The following GRID2 variants were observed in gnomAD, a reference collection of about 807,000 sequenced individuals.
GRID2 encodes glutamate receptor ionotropic, delta-2.
GRID2 carries 33 observed loss-of-function variants against 114.8 expected under a neutral mutation model. The ratio of observed to expected loss-of-function variants is 0.29; its 90% CI spans 0.22 to 0.38. GRID2 has a LOEUF of 0.38. Among genes scored for constraint, GRID2 ranks in the 10% least tolerant of loss-of-function variants. GRID2 has a pLI of 1.00. For missense variants in GRID2, 1,184 were observed against 1,257.7 expected (o/e 0.94, Z 0.89); for synonymous variants, 505 against 449.9 (o/e 1.12, Z -1.55).
chr4:92,746,671 G>A (rs947847326), intron 2 of GRID2, among the ~76,000 whole-genome samples: 1 of 152,080 alleles, frequency 6.6e-6, no homozygotes, highest in Non-Finnish European at 1.5e-5. Flanking sequence ...TCACTGGTAT[G>A]CATGCTGGGA....
At chr4:93,288,266 G>A (rs1579554838) in intron 8 of GRID2, among the ~76,000 whole-genome samples, 1 of 152,068 alleles carries the variant, frequency 6.6e-6, no homozygotes, top group African/African-American at 2.4e-5. Context: ...TGCAGCAGTT[G>A]GATTGATAGA....
In GRID2 at chr4:93,180,997, T is replaced by C. The variant is rs569797761; in HGVS notation, c.736-26407T>C. ...AATCATGAATATTCTTAATGGCATG[T>C]AGAATGATGAATTTGTTCCAGAAAG... is the stretch of plus-strand genomic sequence containing the variant. On this transcript the variant is annotated intron_variant, in intron 4 of 15. Transcript: ENST00000282020. 3.8e-4 allele frequency among the ~76,000 whole-genome samples: 58 copies of C among 152,312 alleles called. No homozygotes were observed. In the South Asian group the frequency reaches 5.0e-3, roughly 13 times the overall value.
chr4:93,759,265 G>A (rs145653966), intron 14 of GRID2, among the ~76,000 whole-genome samples: 103 of 152,180 alleles, frequency 6.8e-4, no homozygotes, highest in Middle Eastern at 3.4e-3. Flanking sequence ...GCCCCCTTAG[G>A]CAGTGCAAGA....
chr4:93,410,489 C>A (rs1767002799), intron 9 of GRID2, among the ~76,000 whole-genome samples: 1 of 152,218 alleles, frequency 6.6e-6, no homozygotes, highest in African/African-American at 2.4e-5. Flanking sequence ...GGACCTCTCA[C>A]CTCCATTGGA....
chr4:92,634,884 A>AGG (rs1730995853), intron 2 of GRID2, among the ~76,000 whole-genome samples: 1 of 151,036 alleles, frequency 6.6e-6, no homozygotes, highest in Non-Finnish European at 1.5e-5. Context: ...AGAGAAAGAG[A>AGG]GAGAGAGAGA....
At chr4:92,405,590 C>T (rs1396247750) in intron 1 of GRID2, among the ~76,000 whole-genome samples, 1 of 151,396 alleles carries the variant, frequency 6.6e-6, no homozygotes, top group South Asian at 2.1e-4. Context: ...AATTTTCATA[C>T]AATAATTCAT....
At chr4:93,332,225 TAA>T (rs10544090) in intron 8 of GRID2, among the ~76,000 whole-genome samples, 1,919 of 150,110 alleles carry the variant, frequency 0.013, 48 homozygotes, top group African/African-American at 0.044. Context: ...CACTCAAAGA[TAA>T]GAGAAGTTAA....
intron 10 of GRID2, among the ~76,000 whole-genome samples, chr4:93,441,012 A>G (rs1432492385): frequency 6.6e-6 from 1 of 152,104 alleles, no homozygotes; most frequent in Admixed American, 6.6e-5. Flanking sequence ...GACAAGGACA[A>G]ACAAAACTTC....
chr4:92,519,839 G>C (rs919994212), intron 1 of GRID2, among the ~76,000 whole-genome samples: 5 of 151,732 alleles, frequency 3.3e-5, no homozygotes, highest in African/African-American at 1.2e-4. Flanking sequence ...AACTGATGTC[G>C]AGGCTCAAAT....
At chr4:92,884,856 T>A in intron 2 of GRID2, 1 of 404,828 alleles carries the variant, frequency 2.5e-6, no homozygotes, top group Admixed American at 3.0e-5. Flanking sequence ...ACTAAGTATG[T>A]CCATACAGTG....
At chr4:93,461,727 T>C (rs1452684108) in intron 11 of GRID2, among the ~76,000 whole-genome samples, 1 of 152,140 alleles carries the variant, frequency 6.6e-6, no homozygotes, top group Non-Finnish European at 1.5e-5. Context: ...GGCTGGAACA[T>C]TAAGAGCTTG....
Position 92,304,734 on chromosome 4 carries a change from C to A in GRID2, c.78C>A (p.Ile26=). The A allele has an allele frequency of 6.2e-7, 1 of 1,608,856 alleles. No homozygotes were observed. Among genetic ancestry groups the A allele is most frequent in the Non-Finnish European group, 8.5e-7 (1 of 1,175,216 alleles). Residue 26 remains isoleucine (I), a synonymous_variant, in exon 1 of 16, where the codon ATC becomes ATA. Coordinates refer to ENST00000282020, the MANE Select transcript of GRID2 (RefSeq NM_001510.4). ...GGGACTCGGCGAATGCGGATTCGAT[C>A]ATTCACATCGGTAAGAAAGTGTTGG... ...RTWDSANADS[I]IHIGAIFDES...
chr4:93,072,045 A>G (rs1020007447), intron 2 of GRID2, among the ~76,000 whole-genome samples: 1 of 152,148 alleles, frequency 6.6e-6, no homozygotes, highest in African/African-American at 2.4e-5. Flanking sequence ...TGACACATAA[A>G]GGTAATTACA....
At chr4:92,628,167 G>A (rs1730613582) in intron 2 of GRID2, among the ~76,000 whole-genome samples, 1 of 151,938 alleles carries the variant, frequency 6.6e-6, no homozygotes, top group South Asian at 2.1e-4. Context: ...CATTTCTAAG[G>A]ATACAACAAT....
intron 8 of GRID2, among the ~76,000 whole-genome samples, chr4:93,353,390 G>A (rs1250916826): frequency 6.6e-6 from 1 of 151,978 alleles, no homozygotes; most frequent in African/African-American, 2.4e-5. Flanking sequence ...ACAGCTAGAT[G>A]TGAAAAATCA....
chr4:92,348,608 G>T (rs1382088395), intron 1 of GRID2, among the ~76,000 whole-genome samples: 1 of 152,148 alleles, frequency 6.6e-6, no homozygotes, highest in Non-Finnish European at 1.5e-5. Context: ...AGGTGTAAAT[G>T]AAAGAAATAG....
intron 2 of GRID2, among the ~76,000 whole-genome samples, chr4:93,037,575 C>G (rs1725043841): frequency 6.6e-6 from 1 of 152,166 alleles, no homozygotes; most frequent in East Asian, 1.9e-4. Context: ...GGTTTTAGGT[C>G]TTTCGTTTAA....
At chr4:93,000,315 A>G (rs1047100684) in intron 2 of GRID2, among the ~76,000 whole-genome samples, 1 of 151,656 alleles carries the variant, frequency 6.6e-6, no homozygotes, top group Non-Finnish European at 1.5e-5. Context: ...TTATATTTAA[A>G]ATAATCTGAC....
chr4:93,038,867 G>A (rs1047101473), intron 2 of GRID2, among the ~76,000 whole-genome samples: 12 of 152,060 alleles, frequency 7.9e-5, no homozygotes, highest in African/African-American at 1.2e-4. Flanking sequence ...CACACTCTTG[G>A]TGGGAGTGTA....
Sources: gnomAD v4.1 joint callset for allele counts (sites outside exome capture counted in the v4.1 genomes callset) on GRCh38, gnomAD v4.1.1 for gene constraint, MANE v1.5 for transcripts, NCBI Gene and HGNC (gene_info 2026-07-23, HGNC 2026-07-21) for gene names.